The following NSD1 variants were observed in gnomAD, a reference collection of about 807,000 sequenced individuals.
NSD1 encodes the protein nuclear receptor binding SET domain protein 1.
A neutral mutation model predicts 242.7 loss-of-function variants in NSD1; 26 were observed. That is an observed-to-expected ratio of 0.11 (90% CI 0.08 to 0.15). The LOEUF (loss-of-function observed/expected upper bound fraction) is 0.15. Among genes scored for constraint, NSD1 ranks in the 10% least tolerant of loss-of-function variants. The pLI is 1.00. For missense variants in NSD1, 2,495 were observed against 3,272.8 expected (o/e 0.76, Z 5.80); for synonymous variants, 1,106 against 1,178.1 (o/e 0.94, Z 1.25).
intron 2 of NSD1, among the ~76,000 whole-genome samples, chr5:177,148,224 T>C (rs993349562): frequency 1.3e-5 from 2 of 151,808 alleles, no homozygotes; most frequent in Admixed American, 1.3e-4. Flanking sequence ...TTCAAGCGAT[T>C]GTCCTTTCTC....
intron 3 of NSD1, among the ~76,000 whole-genome samples, chr5:177,202,626 A>G (rs151140097): frequency 2.0e-5 from 3 of 152,126 alleles, no homozygotes; most frequent in African/African-American, 7.2e-5. Flanking sequence ...CAGTCCTCCC[A>G]CTTCTGCCTC....
intron 16 of NSD1, among the ~76,000 whole-genome samples, chr5:177,272,653 G>A (rs1449442695): frequency 1.3e-5 from 2 of 152,154 alleles, no homozygotes; most frequent in Admixed American, 6.5e-5. Context: ...ACTTTGGAAG[G>A]CTGAGGCAAA....
At chr5:177,283,672 T>C (rs1759073443) in intron 19 of NSD1, 115 bp from the exon 20 acceptor site, 1 of 1,198,260 alleles carries the variant, frequency 8.3e-7, no homozygotes, top group Non-Finnish European at 1.2e-6. Flanking sequence ...ATCTTTTCTC[T>C]GAGAGGTTCA....
chr5:177,156,454 C>G (rs988929202), intron 2 of NSD1, among the ~76,000 whole-genome samples: 10 of 152,184 alleles, frequency 6.6e-5, no homozygotes, highest in Non-Finnish European at 1.2e-4. Context: ...GTTGGAATTA[C>G]AGGCGTAAGC....
rs200412480 is a variant in NSD1, at chr5:177,181,429, T to G, written c.928-10455T>G. 5.7e-3 allele frequency among the ~76,000 whole-genome samples: 798 copies of G among 141,074 alleles called. 61 individuals are homozygous for G. In the East Asian group the frequency reaches 0.14, roughly 25 times the overall value. The allele number at this position is 141,074 out of a possible 152,430, so 92.6% of individuals were successfully genotyped here. A position where few individuals can be genotyped will look rare whatever the true frequency, so the allele number is the denominator to read the frequency against. On this transcript the variant is annotated intron_variant, in intron 2 of 22. Coordinates refer to ENST00000439151, the MANE Select transcript of NSD1 (RefSeq NM_022455.5). ...ACTTCATTATGGGTTTTTTTTTGGT[T>G]TTTTTTTTTTTTTTTTGGCAGGTTC...
intron 3 of NSD1, among the ~76,000 whole-genome samples, chr5:177,203,317 C>T (rs573598127): frequency 6.6e-6 from 1 of 151,858 alleles, no homozygotes; most frequent in South Asian, 2.1e-4. Flanking sequence ...ATAATCTTTT[C>T]TAGATGGGAT....
chr5:177,209,951 T>C lies in NSD1; in HGVS notation c.1552T>C (p.Phe518Leu). ...RTSVKKGHIQ[F>L]EAHKDERRGK... Reference sequence around the variant, plus strand: ...TAGTGTGAAAAAGGGCCACATACAATTTGAAGCACATAAAGATGAACGGAG... The same window carrying C: ...TAGTGTGAAAAAGGGCCACATACAACTTGAAGCACATAAAGATGAACGGAG... The change falls in exon 5 of 23, where the codon TTT becomes CTT. Residue 518 changes from phenylalanine to leucine, a missense_variant. Around this residue, in one of 19 missense-constraint regions of NSD1, gnomAD observed 515 missense variants for 467.0 expected, o/e 1.10. Transcript: ENST00000439151. 6.2e-7 allele frequency: 1 copy of C among 1,614,020 alleles called. No homozygotes were observed. The highest frequency in any genetic ancestry group is 8.5e-7 in the Non-Finnish European group (1 of 1,179,982).
At chr5:177,266,000 G>T in intron 14 of NSD1, 1 of 1,035,226 alleles carries the variant, frequency 9.7e-7, no homozygotes, top group South Asian at 1.3e-5. Context: ...TTCCTTGATG[G>T]CCACATCTTT....
At chr5:177,229,262 C>G (rs1581384285) in intron 5 of NSD1, among the ~76,000 whole-genome samples, 1 of 152,232 alleles carries the variant, frequency 6.6e-6, no homozygotes, top group East Asian at 1.9e-4. Context: ...ACGGCTATTG[C>G]TATACTCATC....
chr5:177,217,260 GCTATTGCA>G, intron 5 of NSD1, among the ~76,000 whole-genome samples: 1 of 152,014 alleles, frequency 6.6e-6, no homozygotes, highest in Non-Finnish European at 1.5e-5. Context: ...TCTTTTTTAT[GCTATTGCA>G]AATGTGATTG....
chr5:177,257,227 T>TA, intron 13 of NSD1, 76 bp downstream of exon 13: 83 of 1,125,386 alleles, frequency 7.4e-5, no homozygotes, highest in Non-Finnish European at 9.4e-5. Flanking sequence ...CTTTTTTCTT[T>TA]CTTTTTTTTT....
In NSD1 at chr5:177,248,222, G is replaced by T. The variant is rs147540632; in HGVS notation, c.4539G>T (p.Glu1513Asp). ...ACAGGACGGCCACAAGCCCCAAGGA[G>T]ACTGTTGAGGAAGGTGTAGAACACG... ...MPHRTATSPK[E>D]TVEEGVEHDP... is the part of the protein sequence containing the mutation. The change falls in exon 11 of 23, where the codon GAG (glutamate) becomes GAT (aspartate). Residue 1513 changes from glutamate to aspartate, a missense_variant. Glu to Asp is a conservative substitution (Grantham distance 45). This residue lies in a region of NSD1 where 97 missense variants were observed against 97.7 expected (regional missense o/e 0.99). Coordinates refer to ENST00000439151, the MANE Select transcript of NSD1 (RefSeq NM_022455.5). 5 of 1,614,172 alleles carry T rather than the reference G, an allele frequency of 3.1e-6. No homozygotes were observed. Among genetic ancestry groups the T allele is most frequent in the Non-Finnish European group, 4.2e-6 (5 of 1,180,028 alleles).
chr5:177,254,829 G>A (rs1159961492), intron 12 of NSD1, among the ~76,000 whole-genome samples: 1 of 152,134 alleles, frequency 6.6e-6, no homozygotes, highest in African/African-American at 2.4e-5. Context: ...GTATAGAGAA[G>A]ATAGAATTTT....
chr5:177,265,222 C>T (rs561196605), intron 14 of NSD1: 5 of 776,388 alleles, frequency 6.4e-6, no homozygotes, highest in Non-Finnish European at 9.3e-6. Context: ...GAACCTATTC[C>T]CTATGAATTC....
At chr5:177,197,497 C>T (rs996887843) in intron 3 of NSD1, among the ~76,000 whole-genome samples, 2 of 152,106 alleles carry the variant, frequency 1.3e-5, no homozygotes, top group African/African-American at 4.8e-5. Context: ...TGGCGGGCGC[C>T]TGTAGTCCCA....
chr5:177,299,738 C>A lies in NSD1; in HGVS notation c.*4279C>A. On this transcript the variant is annotated 3_prime_UTR_variant, in exon 23 of 23. Transcript: ENST00000439151. Reference sequence around the variant, plus strand: ...AAAACATCAGGTTATTGTGGGGCTTCAGGTGTAAGGTCCTGGAAGTTCAGC... The same window carrying A: ...AAAACATCAGGTTATTGTGGGGCTTAAGGTGTAAGGTCCTGGAAGTTCAGC... 8.6e-6 allele frequency: 2 copies of A among 233,274 alleles called. No individual in the cohort carries two copies. The highest frequency in any genetic ancestry group is 1.7e-5 in the Non-Finnish European group (2 of 118,060). 14.5% of individuals were successfully genotyped at this position (233,274 alleles called of 1,614,324 possible). A position where few individuals can be genotyped will look rare whatever the true frequency, so the allele number is the denominator to read the frequency against.
chr5:177,223,483 G>C (rs935190025), intron 5 of NSD1, among the ~76,000 whole-genome samples: 1 of 151,962 alleles, frequency 6.6e-6, no homozygotes, highest in African/African-American at 2.4e-5. Flanking sequence ...TGAGGCAGGA[G>C]AATCACTTGA....
At chr5:177,232,626 C>G (rs1765148287) in intron 5 of NSD1, among the ~76,000 whole-genome samples, 1 of 152,234 alleles carries the variant, frequency 6.6e-6, no homozygotes, top group South Asian at 2.1e-4. Context: ...TAAAATGGCA[C>G]ACGTGCAGGC....
rs1284792738 is a variant in NSD1 at position 177,238,486 on chromosome 5, G to A, written c.4171G>A (p.Glu1391Lys). 1.9e-6 allele frequency: 3 copies of A among 1,613,576 alleles called. No individual in the cohort carries two copies. The highest frequency in any genetic ancestry group is 2.5e-6 in the Non-Finnish European group (3 of 1,179,988). Residue 1391 changes from glutamate (E) to lysine (K), a missense_variant, in exon 7 of 23, where the codon GAA (glutamate) becomes AAA (lysine). Coordinates refer to ENST00000439151, the MANE Select transcript of NSD1 (RefSeq NM_022455.5). The surrounding 1 kb of genome is among the most constrained non-coding windows in gnomAD (Gnocchi z 4.6). ...VSPRPALESEELLVKTPGNYE... is the reference protein window; with the variant it reads ...VSPRPALESEKLLVKTPGNYE... Reference sequence around the variant, plus strand: ...TCCACGGCCTGCCCTTGAGTCTGAGGAATTGCTAGTTAAAACGCCAGGTAA... The same window carrying A: ...TCCACGGCCTGCCCTTGAGTCTGAGAAATTGCTAGTTAAAACGCCAGGTAA...
Sources: allele counts gnomAD v4.1 joint callset (sites outside exome capture counted in the v4.1 genomes callset), GRCh38; gene constraint gnomAD v4.1.1; regional missense constraint gnomAD v4.1.1; non-coding constraint Gnocchi (gnomAD v3.1); transcripts MANE v1.5; gene names NCBI Gene and HGNC (gene_info 2026-07-23, HGNC 2026-07-21).